Variants in KSR2 observed in about 807,000 individuals in gnomAD.
The protein encoded by KSR2 is kinase suppressor of ras 2.
Under a neutral mutation model 107.8 loss-of-function variants are expected in KSR2, and 25 were observed. The ratio of observed to expected loss-of-function variants is 0.23; its 90% confidence interval spans 0.17 to 0.32. The LOEUF is 0.32. KSR2 is among the 10% of genes least tolerant of loss of function. KSR2 has a pLI of 1.00. For synonymous variants in KSR2, 480 were observed against 507.0 expected, an observed-to-expected ratio of 0.95 and a Z score of 0.71; for missense variants, 887 against 1,268.9, an observed-to-expected ratio of 0.70 and a Z score of 4.57.
chr12:117,572,794 A>G (rs969788884), intron 7 of KSR2, among the ~76,000 whole-genome samples: 2 of 152,022 alleles, frequency 1.3e-5, no homozygotes, highest in Non-Finnish European at 2.9e-5. Flanking sequence ...CACGTTGTGC[A>G]TTTTCCTGCA....
intron 3 of KSR2, among the ~76,000 whole-genome samples, chr12:117,809,240 C>A (rs1479305806): frequency 6.6e-6 from 1 of 152,180 alleles, no homozygotes; most frequent in Non-Finnish European, 1.5e-5. Context: ...CTGGAAATTT[C>A]TTCCCTATTC....
intron 13 of KSR2, 101 bp from the exon 14 acceptor site, chr12:117,525,320 A>AT (rs1875052196): frequency 7.7e-7 from 1 of 1,295,570 alleles, no homozygotes; most frequent in Non-Finnish European, 1.0e-6. Flanking sequence ...GTCTGGGCAC[A>AT]TCTCTACATG....
At chr12:117,694,859 T>TA (rs1885985827) in intron 4 of KSR2, among the ~76,000 whole-genome samples, 1 of 147,428 alleles carries the variant, frequency 6.8e-6, no homozygotes, top group Admixed American at 6.8e-5. Context: ...TTTTTTTTTT[T>TA]TTTTTTTTGA....
chr12:117,528,921 T>C (rs1875416687), intron 12 of KSR2, among the ~76,000 whole-genome samples: 1 of 152,232 alleles, frequency 6.6e-6, no homozygotes. Context: ...GACTGTCAGT[T>C]AATAACCTGG....
At chr12:117,876,970 T>A (rs1893874035) in intron 1 of KSR2, among the ~76,000 whole-genome samples, 1 of 152,132 alleles carries the variant, frequency 6.6e-6, no homozygotes, top group African/African-American at 2.4e-5. Context: ...CTTATACACA[T>A]AACCTGGAGG....
intron 4 of KSR2, among the ~76,000 whole-genome samples, chr12:117,691,673 A>T (rs1284766995): frequency 1.3e-5 from 2 of 152,240 alleles, no homozygotes; most frequent in African/African-American, 4.8e-5. Context: ...GGCTGGCTCC[A>T]GCACTATCTA....
intron 3 of KSR2, among the ~76,000 whole-genome samples, chr12:117,835,503 C>T (rs1372945930): frequency 1.3e-5 from 2 of 152,150 alleles, no homozygotes; most frequent in African/African-American, 2.4e-5. Flanking sequence ...TTCATCTGGC[C>T]TCAGAATACA....
intron 4 of KSR2, among the ~76,000 whole-genome samples, chr12:117,729,553 C>T (rs144259502): frequency 7.2e-5 from 11 of 152,242 alleles, no homozygotes; most frequent in African/African-American, 2.4e-4. Context: ...CATTCACCTC[C>T]GTCCCTACCT....
chr12:117,665,925 A>T (rs1884640349), intron 5 of KSR2, among the ~76,000 whole-genome samples: 1 of 152,210 alleles, frequency 6.6e-6, no homozygotes, highest in Non-Finnish European at 1.5e-5. Flanking sequence ...TGGACTTGTC[A>T]CTATCACGCT....
At chr12:117,663,844 C>G (rs540423454) in intron 5 of KSR2, among the ~76,000 whole-genome samples, 178 of 152,210 alleles carry the variant, frequency 1.2e-3, no homozygotes, top group African/African-American at 4.1e-3. Flanking sequence ...ACAAGGAGCC[C>G]ACGAGCTTGC....
chr12:117,530,909 G>A, intron 12 of KSR2, 32 bp downstream of exon 12: 1 of 1,597,658 alleles, frequency 6.3e-7, no homozygotes, highest in Non-Finnish European at 8.6e-7. Flanking sequence ...GGGAAGCTTG[G>A]GAAAGGGGGA....
chr12:117,690,425 C>T (rs913794145), intron 4 of KSR2, among the ~76,000 whole-genome samples: 4 of 151,946 alleles, frequency 2.6e-5, no homozygotes, highest in Non-Finnish European at 4.4e-5. Flanking sequence ...ATTAGCCAGG[C>T]GTGGTGGTGT....
intron 5 of KSR2, among the ~76,000 whole-genome samples, chr12:117,583,946 G>A (rs1429907395): frequency 6.6e-6 from 1 of 152,196 alleles, no homozygotes; most frequent in Non-Finnish European, 1.5e-5. Context: ...TCTTCGGGGA[G>A]CCGGGCATGT....
intron 1 of KSR2, among the ~76,000 whole-genome samples, chr12:117,868,226 G>A (rs775775479): frequency 2.6e-5 from 4 of 152,052 alleles, no homozygotes; most frequent in Non-Finnish European, 5.9e-5. Flanking sequence ...TCAGGAGTTC[G>A]AGACTATTCT....
At chr12:117,657,158 G>T (rs1884220896) in intron 5 of KSR2, among the ~76,000 whole-genome samples, 1 of 151,804 alleles carries the variant, frequency 6.6e-6, no homozygotes, top group Admixed American at 6.6e-5. Flanking sequence ...GTTCAGAGAT[G>T]AGTACACAGT....
chr12:117,733,569 A>G (rs955111676), intron 4 of KSR2, among the ~76,000 whole-genome samples: 8 of 152,156 alleles, frequency 5.3e-5, no homozygotes, highest in Admixed American at 3.3e-4. Flanking sequence ...AGCTGAATGG[A>G]TACAACAGGG....
intron 3 of KSR2, among the ~76,000 whole-genome samples, chr12:117,786,118 CAGG>C (rs1890064852): frequency 6.6e-6 from 1 of 151,790 alleles, no homozygotes. Flanking sequence ...ACTTGAATGA[CAGG>C]AGATTTCTTA....
At chr12:117,660,630 T>C (rs1884396580) in intron 5 of KSR2, among the ~76,000 whole-genome samples, 2 of 152,142 alleles carry the variant, frequency 1.3e-5, no homozygotes, top group African/African-American at 4.8e-5. Flanking sequence ...TGGGGTAGGA[T>C]TTGGGCACAT....
chr12:117,610,788 G>A (rs1179728325), intron 5 of KSR2, among the ~76,000 whole-genome samples: 1 of 149,466 alleles, frequency 6.7e-6, no homozygotes, highest in Non-Finnish European at 1.5e-5. Context: ...ACCCCCACAC[G>A]CAGTATTCCG....
Sources: allele counts gnomAD v4.1 joint callset (sites outside exome capture counted in the v4.1 genomes callset), GRCh38; gene constraint gnomAD v4.1.1; transcripts MANE v1.5; gene names NCBI Gene and HGNC (gene_info 2026-07-23, HGNC 2026-07-21).